Variants in PRKD1 observed in about 807,000 individuals in gnomAD.
The protein encoded by PRKD1 is serine/threonine-protein kinase D1.
A neutral mutation model predicts 95.9 loss-of-function variants in PRKD1; 63 were observed. That is an observed-to-expected ratio of 0.66 (90% CI 0.54 to 0.81). The LOEUF (loss-of-function observed/expected upper bound fraction) is 0.81, where lower values mean the gene tolerates loss of function less well. Ranked by LOEUF, PRKD1 falls within the 30% of genes least tolerant of loss-of-function variation. The probability of loss-of-function intolerance (pLI) is 0.00; values close to 1 mark genes in which losing one functional copy is unlikely to be tolerated. For synonymous variants in PRKD1, 425 were observed against 423.1 expected (o/e 1.00, Z -0.05); for missense variants, 1,048 against 1,165.3 (o/e 0.90, Z 1.47).
chr14:29,926,358 C>CG (rs1390266433), intron 1 of PRKD1, among the ~76,000 whole-genome samples: 1 of 152,170 alleles, frequency 6.6e-6, no homozygotes, highest in Non-Finnish European at 1.5e-5. Flanking sequence ...CCATGGCCCC[C>CG]TCTGCCTCAC....
chr14:29,857,528 T>C (rs2139351706), intron 1 of PRKD1, among the ~76,000 whole-genome samples: 1 of 152,328 alleles, frequency 6.6e-6, no homozygotes, highest in East Asian at 1.9e-4. Context: ...GATTTTCACA[T>C]AGCTTTTTCA....
intron 1 of PRKD1, among the ~76,000 whole-genome samples, chr14:29,752,286 A>G (rs1887512754): frequency 6.6e-6 from 1 of 152,176 alleles, no homozygotes; most frequent in African/African-American, 2.4e-5. Flanking sequence ...GTTGTTAAAC[A>G]CTTATTCCCT....
intron 3 of PRKD1, among the ~76,000 whole-genome samples, chr14:29,665,135 C>A (rs531968312): frequency 8.1e-4 from 124 of 152,274 alleles, no homozygotes; most frequent in Middle Eastern, 3.4e-3. Context: ...CCATGTACCC[C>A]CTAAATGCCT....
chr14:29,785,075 T>C (rs1330868754), intron 1 of PRKD1, among the ~76,000 whole-genome samples: 1 of 152,140 alleles, frequency 6.6e-6, no homozygotes, highest in Non-Finnish European at 1.5e-5. Flanking sequence ...TGCTTACCCA[T>C]TACACATGCA....
intron 13 of PRKD1, among the ~76,000 whole-genome samples, chr14:29,618,692 A>T (rs553345641): frequency 9.0e-4 from 137 of 152,274 alleles, no homozygotes; most frequent in Non-Finnish European, 1.4e-3. Context: ...AACTTCAATT[A>T]TTCAAAAATA....
At chr14:29,778,020 T>G (rs1466063955) in intron 1 of PRKD1, among the ~76,000 whole-genome samples, 1 of 152,164 alleles carries the variant, frequency 6.6e-6, no homozygotes, top group Non-Finnish European at 1.5e-5. Context: ...ACATGGAAAC[T>G]GAACAACCTG....
chr14:29,841,373 G>T (rs1439802793), intron 1 of PRKD1, among the ~76,000 whole-genome samples: 1 of 152,116 alleles, frequency 6.6e-6, no homozygotes, highest in Non-Finnish European at 1.5e-5. Context: ...TGGTTTGGTT[G>T]TGTCCTCACC....
intron 1 of PRKD1, among the ~76,000 whole-genome samples, chr14:29,757,574 G>A (rs1566582893): frequency 1.3e-5 from 2 of 151,890 alleles, no homozygotes; most frequent in African/African-American, 2.4e-5. Context: ...AGTTCTGAGT[G>A]TCACAACAAA....
At chr14:29,905,145 C>T (rs867213054) in intron 1 of PRKD1, among the ~76,000 whole-genome samples, 4 of 152,228 alleles carry the variant, frequency 2.6e-5, no homozygotes, top group South Asian at 4.1e-4. Context: ...TACAGTCACC[C>T]CTGAGAAGGG....
At chr14:29,835,847 G>A (rs773619584) in intron 1 of PRKD1, among the ~76,000 whole-genome samples, 1 of 152,274 alleles carries the variant, frequency 6.6e-6, no homozygotes, top group African/African-American at 2.4e-5. Flanking sequence ...GGGATTACAG[G>A]CGTGAGCCAC....
intron 1 of PRKD1, among the ~76,000 whole-genome samples, chr14:29,888,086 A>G (rs1418879366): frequency 6.6e-6 from 1 of 152,132 alleles, no homozygotes; most frequent in South Asian, 2.1e-4. Context: ...GGATCACTTG[A>G]GTCCAAAAGT....
At chr14:29,589,974 A>G (rs557512910) in intron 16 of PRKD1, among the ~76,000 whole-genome samples, 3 of 152,150 alleles carry the variant, frequency 2.0e-5, no homozygotes, top group Admixed American at 1.3e-4. Flanking sequence ...CATTGACCCT[A>G]AACTAGTGCT....
At chr14:29,913,965 T>A (rs1202237825) in intron 1 of PRKD1, among the ~76,000 whole-genome samples, 1 of 152,220 alleles carries the variant, frequency 6.6e-6, no homozygotes, top group East Asian at 1.9e-4. Context: ...ATGTAAGTTG[T>A]CCATTGTACT....
At chr14:29,827,764 T>C (rs1259237864) in intron 1 of PRKD1, among the ~76,000 whole-genome samples, 2 of 152,144 alleles carry the variant, frequency 1.3e-5, no homozygotes, top group Non-Finnish European at 2.9e-5. Flanking sequence ...TATTAAAATA[T>C]TGACAAGTAA....
At chr14:29,859,732 C>T (rs1367129005) in intron 1 of PRKD1, among the ~76,000 whole-genome samples, 3 of 151,894 alleles carry the variant, frequency 2.0e-5, no homozygotes, top group Non-Finnish European at 2.9e-5. Flanking sequence ...TATAAGAATT[C>T]GAACACAGAA....
chr14:29,635,189 T>A (rs557630871), intron 7 of PRKD1, among the ~76,000 whole-genome samples: 51 of 152,312 alleles, frequency 3.3e-4, no homozygotes, highest in African/African-American at 1.2e-3. Context: ...ATTTGCTTAT[T>A]TATTTCCTAT....
At chr14:29,678,650 T>G (rs945538824) in intron 2 of PRKD1, among the ~76,000 whole-genome samples, 1 of 152,200 alleles carries the variant, frequency 6.6e-6, no homozygotes, top group Non-Finnish European at 1.5e-5. Flanking sequence ...AGTATGTGTG[T>G]GCACATATTA....
chr14:29,710,578 C>A (rs914468808), intron 2 of PRKD1, among the ~76,000 whole-genome samples: 38 of 152,202 alleles, frequency 2.5e-4, no homozygotes, highest in African/African-American at 6.0e-4. Context: ...AGACCCCCAA[C>A]AGAGCAGAGG....
chr14:29,713,687 C>G (rs1403787021), intron 2 of PRKD1, among the ~76,000 whole-genome samples: 1 of 152,082 alleles, frequency 6.6e-6, no homozygotes, highest in Non-Finnish European at 1.5e-5. Flanking sequence ...TATATTTTAT[C>G]ATAATACTGC....
Sources: allele counts gnomAD v4.1 joint callset (sites outside exome capture counted in the v4.1 genomes callset), GRCh38; gene constraint gnomAD v4.1.1; transcripts MANE v1.5; gene names NCBI Gene and HGNC (gene_info 2026-07-23, HGNC 2026-07-21).